The following NIBAN1 variants were observed in gnomAD, a reference collection of about 807,000 sequenced individuals.
NIBAN1 encodes the protein niban apoptosis regulator 1, also known as protein Niban 1.
A neutral mutation model predicts 75.1 loss-of-function variants in NIBAN1; 81 were observed. The ratio of observed to expected loss-of-function variants is 1.08; its 90% CI spans 0.90 to 1.30. The LOEUF (loss-of-function observed/expected upper bound fraction) is 1.30, where lower values mean the gene tolerates loss of function less well. Ranked by LOEUF, NIBAN1 falls within the 50% of genes most tolerant of loss-of-function variation. NIBAN1 has a pLI of 0.00. For synonymous variants in NIBAN1, 436 were observed against 424.8 expected, an observed-to-expected ratio of 1.03 and a Z score of -0.32; for missense variants, 1,133 against 1,128.1, an observed-to-expected ratio of 1.00 and a Z score of -0.06.
intron 1 of NIBAN1, among the ~76,000 whole-genome samples, chr1:184,962,029 G>A (rs1658663896): frequency 2.0e-5 from 3 of 152,188 alleles, no homozygotes; most frequent in African/African-American, 7.2e-5. Flanking sequence ...GTTCCCATGA[G>A]CTCTTCTTGA....
rs187938380 is a variant in NIBAN1 at position 184,889,050 on chromosome 1, G to A, written c.433+1058C>T. On this transcript the variant is annotated intron_variant, in intron 4 of 13. Coordinates refer to ENST00000367511, the MANE Select transcript of NIBAN1 (RefSeq NM_052966.4). ...AAATTCTAATGAAATTATTATGTCC[G>A]TTAATAAGAACCAGGGCTCTCTTCA... Among the ~76,000 whole-genome samples, 326 of 152,262 alleles carry A rather than the reference G, an allele frequency of 2.1e-3. 7 individuals carry two copies. Among genetic ancestry groups the A allele is most frequent in the Admixed American group, 0.016 (248 of 15,296 alleles).
intron 1 of NIBAN1, among the ~76,000 whole-genome samples, chr1:184,922,858 C>T (rs1446837974): frequency 6.6e-6 from 1 of 152,244 alleles, no homozygotes; most frequent in South Asian, 2.1e-4. Flanking sequence ...CCACCTGTTT[C>T]GGCCTCCCAA....
In NIBAN1 at chr1:184,794,794, C is replaced by A; in HGVS notation, c.*183G>T. On this transcript the variant is annotated 3_prime_UTR_variant, in exon 14 of 14. Transcript: ENST00000367511. ...ACTAAAGCAAAAATTCATCGTAGAA[C>A]AATTCATGTCCACAAAGGTTTGCCT... 1 of 737,454 alleles carries A rather than the reference C, an allele frequency of 1.4e-6. No individual in the cohort carries two copies. The allele number at this position is 737,454 out of a possible 1,614,324, so 45.7% of individuals were successfully genotyped here. A position where few individuals can be genotyped will look rare whatever the true frequency, so the allele number is the denominator to read the frequency against.
intron 1 of NIBAN1, among the ~76,000 whole-genome samples, chr1:184,931,475 A>G (rs966953591): frequency 3.3e-5 from 5 of 152,186 alleles, no homozygotes; most frequent in African/African-American, 1.2e-4. Context: ...TTTCCATTTT[A>G]TATGTCTTTA....
intron 11 of NIBAN1, among the ~76,000 whole-genome samples, chr1:184,805,215 G>A (rs951986205): frequency 1.2e-4 from 19 of 152,170 alleles, no homozygotes; most frequent in African/African-American, 4.3e-4. Flanking sequence ...CTGTTCCAAG[G>A]CAATGTTTAG....
chr1:184,861,449 G>A (rs1031269319), intron 5 of NIBAN1, among the ~76,000 whole-genome samples: 2 of 151,826 alleles, frequency 1.3e-5, no homozygotes, highest in Non-Finnish European at 2.9e-5. Flanking sequence ...CAAGGGCTCA[G>A]CATACAAAAG....
At chr1:184,798,413 T>TTAC (rs1653937353) in intron 12 of NIBAN1, among the ~76,000 whole-genome samples, 1 of 152,226 alleles carries the variant, frequency 6.6e-6, no homozygotes, top group Non-Finnish European at 1.5e-5. Context: ...GACACATCTA[T>TTAC]TACTGTCCAT....
At chr1:184,959,584 A>T (rs916744544) in intron 1 of NIBAN1, among the ~76,000 whole-genome samples, 1 of 152,144 alleles carries the variant, frequency 6.6e-6, no homozygotes, top group African/African-American at 2.4e-5. Flanking sequence ...TGGATATTAG[A>T]TATTGTGAAT....
rs1473879007 is a variant in NIBAN1 at position 184,795,589 on chromosome 1, G to A, written c.2175C>T (p.Asp725=). ...LLTASVEVPV[D]SAPVMEEDTN... ...TATCTTCTTCCATCACTGGAGCAGA[G>A]TCCACTGGTACTTCCACGGACGCTG... Residue 725 remains aspartate, a synonymous_variant, in exon 14 of 14, where the codon GAC becomes GAT. Transcript: ENST00000367511. 3.1e-6 allele frequency: 5 copies of A among 1,614,050 alleles called. No homozygotes were observed. Among genetic ancestry groups the A allele is most frequent in the Non-Finnish European group, 4.2e-6 (5 of 1,180,050 alleles).
intron 11 of NIBAN1, 29 bp from the exon 12 acceptor site, chr1:184,803,721 G>A: frequency 6.3e-7 from 1 of 1,576,320 alleles, no homozygotes; most frequent in South Asian, 1.1e-5. Context: ...ATGTTAAATA[G>A]TAACATTACA....
At chr1:184,930,861 C>T (rs1405977077) in intron 1 of NIBAN1, among the ~76,000 whole-genome samples, 1 of 152,054 alleles carries the variant, frequency 6.6e-6, no homozygotes, top group Non-Finnish European at 1.5e-5. Context: ...ATCATAAAAC[C>T]AGAGCCATAA....
At chr1:184,835,356 G>T (rs1296098121) in intron 5 of NIBAN1, among the ~76,000 whole-genome samples, 1 of 152,226 alleles carries the variant, frequency 6.6e-6, no homozygotes, top group African/African-American at 2.4e-5. Context: ...GAACTTTAAA[G>T]TAGTTTTTTT....
chr1:184,898,574 T>G (rs1169284056), intron 2 of NIBAN1, among the ~76,000 whole-genome samples: 3 of 152,162 alleles, frequency 2.0e-5, no homozygotes, highest in Admixed American at 2.0e-4. Flanking sequence ...CGCGATTGTA[T>G]CACTGCACTC....
chr1:184,798,250 G>A (rs1375843168), intron 12 of NIBAN1, 60 bp from the exon 13 acceptor site: 1 of 1,088,326 alleles, frequency 9.2e-7, no homozygotes, highest in African/African-American at 1.6e-5. Context: ...GTTCTTAGAG[G>A]AGATACAGAA....
chr1:184,908,955 T>C (rs1378872800), intron 1 of NIBAN1, among the ~76,000 whole-genome samples: 1 of 152,200 alleles, frequency 6.6e-6, no homozygotes, highest in African/African-American at 2.4e-5. Flanking sequence ...CCATGAAGAA[T>C]AACAATGTTT....
At position 184,933,155 on chromosome 1, in the gene NIBAN1, T is replaced by A. The variant is rs578058745; in HGVS notation, c.56-33846A>T. 2.1e-4 allele frequency among the ~76,000 whole-genome samples: 32 copies of A among 152,316 alleles called. No homozygotes were observed. In the East Asian group the frequency reaches 5.4e-3, roughly 26 times the overall value. ...TCCCTACACTCCCACCAAAGTAGACTGCCATTCTGACAGCATGACCTACAC... is the reference window on the plus strand; with the variant it reads ...TCCCTACACTCCCACCAAAGTAGACAGCCATTCTGACAGCATGACCTACAC... On this transcript the variant is annotated intron_variant, in intron 1 of 13. Transcript: ENST00000367511.
chr1:184,858,281 A>G (rs1294003399), intron 5 of NIBAN1, among the ~76,000 whole-genome samples: 2 of 152,174 alleles, frequency 1.3e-5, no homozygotes, highest in East Asian at 1.9e-4. Flanking sequence ...ATGAAAAGAT[A>G]TAAAAAGGGT....
chr1:184,965,876 A>G (rs1013770738), intron 1 of NIBAN1, among the ~76,000 whole-genome samples: 6 of 152,352 alleles, frequency 3.9e-5, no homozygotes, highest in African/African-American at 1.4e-4. Context: ...ATTTGTAGAA[A>G]ATACAGGAGA....
At chr1:184,804,588 T>A (rs182531615) in intron 11 of NIBAN1, among the ~76,000 whole-genome samples, 11 of 152,288 alleles carry the variant, frequency 7.2e-5, no homozygotes, top group African/African-American at 2.4e-4. Flanking sequence ...GAACACTGAA[T>A]ATGAAGTTGA....
Sources: gnomAD v4.1 joint callset for allele counts (sites outside exome capture counted in the v4.1 genomes callset) on GRCh38, gnomAD v4.1.1 for gene constraint, MANE v1.5 for transcripts, NCBI Gene and HGNC (gene_info 2026-07-23, HGNC 2026-07-21) for gene names.